The following KCNS2 variants were observed in gnomAD, a reference collection of about 807,000 sequenced individuals.
KCNS2 encodes potassium voltage-gated channel modifier subfamily S member 2.
A neutral mutation model predicts 28.3 loss-of-function variants in KCNS2; 15 were observed. The observed-to-expected ratio is 0.53, with a 90% CI of 0.35 to 0.82. The LOEUF (loss-of-function observed/expected upper bound fraction) is 0.82, where lower values mean the gene tolerates loss of function less well. Ranked by LOEUF, KCNS2 falls within the 40% of genes least tolerant of loss-of-function variation. KCNS2 has a pLI of 0.01. For synonymous variants in KCNS2, 254 were observed against 256.7 expected (o/e 0.99, Z 0.10); for missense variants, 501 against 617.1 (o/e 0.81, Z 1.99).
At chr8:98,427,869 A>C in intron 1 of KCNS2, 69 bp from the exon 2 acceptor site, 4 of 846,232 alleles carry the variant, frequency 4.7e-6, no homozygotes, top group Non-Finnish European at 5.4e-6. Context: ...CCCGCCAGTA[A>C]TGGGTAGGGA....
chr8:98,429,180 G>T lies in KCNS2; in HGVS notation c.1201G>T (p.Val401Leu). 1 of 1,613,816 alleles carries T rather than the reference G, an allele frequency of 6.2e-7. No homozygotes were observed. The highest frequency in any genetic ancestry group is 8.5e-7 in the Non-Finnish European group (1 of 1,179,838). Residue 401 changes from valine to leucine, a missense_variant, in exon 2 of 2, where the codon GTG becomes TTG. Coordinates refer to ENST00000287042, the MANE Select transcript of KCNS2 (RefSeq NM_020697.4). ...TGCCTGCATCTTGGCAGGCATCCTC[G>T]TGGTGGTCCTGCCCATCACCTTGAT... Reference protein sequence around the residue: ...ASACILAGILVVVLPITLIFN... With the variant: ...ASACILAGILLVVLPITLIFN...
Position 98,432,411 on chromosome 8 carries a change from T to C in KCNS2, c.*2998T>C, listed in dbSNP as rs1818348701. ...TGATGTGCATTTTGGAAGTGCTGGG[T>C]TGGGAAGTGACACGTCTGTTGCACA... On this transcript the variant is annotated 3_prime_UTR_variant, in exon 2 of 2. Coordinates refer to ENST00000287042, the MANE Select transcript of KCNS2 (RefSeq NM_020697.4). 1 of 167,068 alleles carries C rather than the reference T, an allele frequency of 6.0e-6. No individual in the cohort carries two copies. The highest frequency in any genetic ancestry group is 1.5e-5 in the Non-Finnish European group (1 of 68,124). The allele number at this position is 167,068 out of a possible 1,614,324, so 10.3% of individuals were successfully genotyped here.
intron 1 of KCNS2, 63 bp from the exon 2 acceptor site, chr8:98,427,875 A>C: frequency 3.9e-5 from 34 of 860,978 alleles, no homozygotes; most frequent in Non-Finnish European, 5.5e-5. Flanking sequence ...AGTAATGGGT[A>C]GGGAGAGGGG....
rs746351827 is a variant in KCNS2 at position 98,429,128 on chromosome 8, G to A, written c.1149G>A (p.Gly383=). 6 of 1,613,232 alleles carry A rather than the reference G, an allele frequency of 3.7e-6. No homozygotes were observed. The highest frequency in any genetic ancestry group is 1.3e-5 in the African/African-American group (1 of 74,906). ...TTVGYGDVVP[G]TTAGKLTASA... is the part of the protein sequence containing the mutation. ...TGGGGTACGGGGATGTGGTCCCAGG[G>A]ACCACGGCAGGAAAGCTGACTGCCT... The change falls in exon 2 of 2, where the codon GGG becomes GGA. Residue 383 remains glycine (G), a synonymous_variant. Transcript: ENST00000287042.
Position 98,429,661 on chromosome 8 carries a change from A to T in KCNS2, c.*248A>T, listed in dbSNP as rs1327199261. On this transcript the variant is annotated 3_prime_UTR_variant, in exon 2 of 2. Transcript: ENST00000287042. ...ACTGGTCTTTGCATCGTGGGCATAA[A>T]ATGTTCACCTTTTTGCCAGATGAGT... is the stretch of plus-strand genomic sequence containing the variant. 1.2e-5 allele frequency: 6 copies of T among 490,698 alleles called. No individual in the cohort carries two copies. In the East Asian group the frequency reaches 1.9e-4, roughly 16 times the overall value. 30.4% of individuals were successfully genotyped at this position (490,698 alleles called of 1,614,324 possible). A position where few individuals can be genotyped will look rare whatever the true frequency, so the allele number is the denominator to read the frequency against.
In KCNS2 at chr8:98,432,676, C is replaced by T. The variant is rs889888791; in HGVS notation, c.*3263C>T. On this transcript the variant is annotated 3_prime_UTR_variant, in exon 2 of 2. Coordinates refer to ENST00000287042, the MANE Select transcript of KCNS2 (RefSeq NM_020697.4). ...TTATGCACTTTGGGATAGTGGTGAT[C>T]TGTACAGGCTGTGTGTTAGCTACTT... 1.8e-5 allele frequency: 3 copies of T among 167,098 alleles called. No individual in the cohort carries two copies. Among genetic ancestry groups the T allele is most frequent in the Non-Finnish European group, 4.4e-5 (3 of 68,122 alleles). 10.4% of individuals were successfully genotyped at this position (167,098 alleles called of 1,614,324 possible). A position where few individuals can be genotyped will look rare whatever the true frequency, so the allele number is the denominator to read the frequency against.
rs1336442517 is a variant in KCNS2 at position 98,430,817 on chromosome 8, C to A, written c.*1404C>A. The A allele has an allele frequency of 6.0e-6, 1 of 167,038 alleles. No individual in the cohort carries two copies. The highest frequency in any genetic ancestry group is 2.1e-4 in the South Asian group (1 of 4,812). The allele number at this position is 167,038 out of a possible 1,614,324, so 10.3% of individuals were successfully genotyped here. A position where few individuals can be genotyped will look rare whatever the true frequency, so the allele number is the denominator to read the frequency against. On this transcript the variant is annotated 3_prime_UTR_variant, in exon 2 of 2. Transcript: ENST00000287042. The stretch of plus-strand genomic sequence containing the variant: ...ATAAAATGTCATAAAAAATTGTAAA[C>A]TTGAAAAGCTTAATGCTATTCAAAA...
Position 98,429,067 on chromosome 8 carries a change from C to A in KCNS2, c.1088C>A (p.Ala363Asp), listed in dbSNP as rs765435145. The A allele has an allele frequency of 2.5e-6, 4 of 1,613,070 alleles. No individual in the cohort carries two copies. Among genetic ancestry groups the A allele is most frequent in the East Asian group, 4.5e-5 (2 of 44,832 alleles). Residue 363 changes from alanine to aspartate, a missense_variant, in exon 2 of 2, where the codon GCC (alanine) becomes GAC (aspartate). Physicochemically the swap from Ala to Asp is moderately radical, Grantham distance 126. Coordinates refer to ENST00000287042, the MANE Select transcript of KCNS2 (RefSeq NM_020697.4). ...AACGAGGGCCTGGCCACCATCCCTGCCTGCTGGTGGTGGGCTACCGTCAGT... is the reference window on the plus strand; with the variant it reads ...AACGAGGGCCTGGCCACCATCCCTGACTGCTGGTGGTGGGCTACCGTCAGT... ...EENEGLATIP[A>D]CWWWATVSMT...
In KCNS2 at chr8:98,429,839, T is replaced by C. The variant is rs980708437; in HGVS notation, c.*426T>C. 5.7e-6 allele frequency: 1 copy of C among 176,010 alleles called. No individual in the cohort carries two copies. Among genetic ancestry groups the C allele is most frequent in the African/African-American group, 2.4e-5 (1 of 41,720 alleles). 10.9% of individuals were successfully genotyped at this position (176,010 alleles called of 1,614,324 possible). A position where few individuals can be genotyped will look rare whatever the true frequency, so the allele number is the denominator to read the frequency against. ...ACAAGTCGTCCAGTAGAAATGCATCTATGAGGTCAGCAAGGATATGATGAG... is the reference window on the plus strand; with the variant it reads ...ACAAGTCGTCCAGTAGAAATGCATCCATGAGGTCAGCAAGGATATGATGAG... On this transcript the variant is annotated 3_prime_UTR_variant, in exon 2 of 2. Transcript: ENST00000287042.
chr8:98,431,731 G>A lies in KCNS2; in HGVS notation c.*2318G>A, dbSNP rs1302316555. 1 of 167,128 alleles carries A rather than the reference G, an allele frequency of 6.0e-6. No individual in the cohort carries two copies. The highest frequency in any genetic ancestry group is 2.4e-5 in the African/African-American group (1 of 41,458). 10.4% of individuals were successfully genotyped at this position (167,128 alleles called of 1,614,324 possible). On this transcript the variant is annotated 3_prime_UTR_variant, in exon 2 of 2. Transcript: ENST00000287042. ...GGTACCCTAGTGGTTACCCTTTGCA[G>A]ATGTGAAAGCTGGAAAACTTGACTT... is the stretch of plus-strand genomic sequence containing the variant.
rs751173508 is a variant in KCNS2 at position 98,432,106 on chromosome 8, TC to T, written c.*2694del. The T allele has an allele frequency of 1.8e-5, 3 of 166,858 alleles. No homozygotes were observed. The highest frequency in any genetic ancestry group is 4.8e-5 in the African/African-American group (2 of 41,410). The allele number at this position is 166,858 out of a possible 1,614,324, so 10.3% of individuals were successfully genotyped here. Reference sequence around the variant, plus strand: ...AAGTTTACAGGTGCTCTCCACTGGGTCTTTGATCGACCTTGCTAGATAACAT... The same window carrying T: ...AAGTTTACAGGTGCTCTCCACTGGGTTTTGATCGACCTTGCTAGATAACAT... On this transcript the variant is annotated 3_prime_UTR_variant, in exon 2 of 2. Transcript: ENST00000287042.
rs1051282144 is a variant in KCNS2 at position 98,431,439 on chromosome 8, A to G, written c.*2026A>G. 3.0e-5 allele frequency: 5 copies of G among 167,136 alleles called. No individual in the cohort carries two copies. Among genetic ancestry groups the G allele is most frequent in the African/African-American group, 7.2e-5 (3 of 41,456 alleles). 10.4% of individuals were successfully genotyped at this position (167,136 alleles called of 1,614,324 possible). On this transcript the variant is annotated 3_prime_UTR_variant, in exon 2 of 2. Coordinates refer to ENST00000287042, the MANE Select transcript of KCNS2 (RefSeq NM_020697.4). ...CAGAGTTATTTTTCAGAATTTGCAC[A>G]TGGAACACTTAGATTTGGCTGGTGC...
Position 98,428,991 on chromosome 8 carries a change from G to A in KCNS2, c.1012G>A (p.Val338Met), listed in dbSNP as rs1563600145. 2 of 1,614,146 alleles carry A rather than the reference G, an allele frequency of 1.2e-6. No individual in the cohort carries two copies. Among genetic ancestry groups the A allele is most frequent in the East Asian group, 2.2e-5 (1 of 44,854 alleles). ...EVGLLLLYLS[V>M]GISIFSVVAY... The stretch of plus-strand genomic sequence containing the variant: ...AGGGCTGCTCTTGCTCTACCTCTCC[G>A]TGGGGATTTCCATCTTCTCCGTGGT... Residue 338 changes from valine to methionine, a missense_variant, in exon 2 of 2, where the codon GTG (valine) becomes ATG (methionine). By Grantham distance (21) the Val-to-Met change is conservative. Transcript: ENST00000287042. This position sits in a 1 kb window ranked among gnomAD's most constrained non-coding sequence, Gnocchi z 6.7.
intron 1 of KCNS2, 147 bp from the exon 2 acceptor site, chr8:98,427,791 G>T: frequency 3.5e-6 from 2 of 579,576 alleles, no homozygotes; most frequent in South Asian, 2.2e-5. Context: ...CCTGGGAGGG[G>T]ATCAGACCCC....
Position 98,428,506 on chromosome 8 carries a change from C to A in KCNS2, c.527C>A (p.Ala176Glu), listed in dbSNP as rs750851877. 1 of 1,613,370 alleles carries A rather than the reference C, an allele frequency of 6.2e-7. No individual in the cohort carries two copies. The highest frequency in any genetic ancestry group is 8.5e-7 in the Non-Finnish European group (1 of 1,179,964). ...LGNFRRQLWL[A>E]LDNPGYSVLS... is the part of the protein sequence containing the mutation. ...AACTTCCGCAGGCAGCTGTGGCTGGCGCTGGACAACCCCGGCTACTCAGTG... is the reference window on the plus strand; with the variant it reads ...AACTTCCGCAGGCAGCTGTGGCTGGAGCTGGACAACCCCGGCTACTCAGTG... The change falls in exon 2 of 2, where the codon GCG (alanine) becomes GAG (glutamate). Residue 176 changes from alanine (A) to glutamate (E), a missense_variant. Ala to Glu is a moderately radical substitution (Grantham distance 107). Coordinates refer to ENST00000287042, the MANE Select transcript of KCNS2 (RefSeq NM_020697.4). The surrounding 1 kb of genome is among the most constrained non-coding windows in gnomAD (Gnocchi z 6.7).
rs1348593711 is a variant in KCNS2 at position 98,432,181 on chromosome 8, G to T, written c.*2768G>T. On this transcript the variant is annotated 3_prime_UTR_variant, in exon 2 of 2. Coordinates refer to ENST00000287042, the MANE Select transcript of KCNS2 (RefSeq NM_020697.4). The stretch of plus-strand genomic sequence containing the variant: ...CCTGAAGCTAACCAGGGAGAGTCAG[G>T]TTAATTTTCTGTAAAAATATGAGGT... The T allele has an allele frequency of 6.0e-6, 1 of 166,944 alleles. No individual in the cohort carries two copies. The highest frequency in any genetic ancestry group is 2.4e-5 in the African/African-American group (1 of 41,440). 10.3% of individuals were successfully genotyped at this position (166,944 alleles called of 1,614,324 possible). A position where few individuals can be genotyped will look rare whatever the true frequency, so the allele number is the denominator to read the frequency against.
In KCNS2 at chr8:98,431,925, T is replaced by C. The variant is rs1341323370; in HGVS notation, c.*2512T>C. 1 of 167,086 alleles carries C rather than the reference T, an allele frequency of 6.0e-6. No individual in the cohort carries two copies. The highest frequency in any genetic ancestry group is 1.5e-5 in the Non-Finnish European group (1 of 68,112). The allele number at this position is 167,086 out of a possible 1,614,324, so 10.4% of individuals were successfully genotyped here. A position where few individuals can be genotyped will look rare whatever the true frequency, so the allele number is the denominator to read the frequency against. ...ACTTCTGAGCATGAGAATGTCCCAATAGCATTGAGTTTTTCAAGTGGTGGT... is the reference window on the plus strand; with the variant it reads ...ACTTCTGAGCATGAGAATGTCCCAACAGCATTGAGTTTTTCAAGTGGTGGT... On this transcript the variant is annotated 3_prime_UTR_variant, in exon 2 of 2. Coordinates refer to ENST00000287042, the MANE Select transcript of KCNS2 (RefSeq NM_020697.4).
rs1308796861 is a variant in KCNS2 at position 98,429,905 on chromosome 8, T to C, written c.*492T>C. 1.2e-5 allele frequency: 2 copies of C among 168,190 alleles called. No homozygotes were observed. The highest frequency in any genetic ancestry group is 2.9e-5 in the Non-Finnish European group (2 of 68,920). The allele number at this position is 168,190 out of a possible 1,614,324, so 10.4% of individuals were successfully genotyped here. On this transcript the variant is annotated 3_prime_UTR_variant, in exon 2 of 2. Transcript: ENST00000287042. ...ATGTGAAAACAAAATCTCAGCTCTT[T>C]ATCCATTGCTTTCACTTAGTTTTAG...
At position 98,429,259 on chromosome 8, in the gene KCNS2, T is replaced by C. The variant is rs1818294332; in HGVS notation, c.1280T>C (p.Met427Thr). 6.2e-7 allele frequency: 1 copy of C among 1,613,974 alleles called. No individual in the cohort carries two copies. The highest frequency in any genetic ancestry group is 8.5e-7 in the Non-Finnish European group (1 of 1,180,054). The change falls in exon 2 of 2, where the codon ATG becomes ACG. Residue 427 changes from methionine to threonine, a missense_variant. Transcript: ENST00000287042. ...YRRQKQLESA[M>T]RSCDFGDGMK... The stretch of plus-strand genomic sequence containing the variant: ...CGCCAAAAGCAACTTGAGAGTGCCA[T>C]GCGCAGCTGTGACTTTGGAGATGGA...
Sources: gnomAD v4.1 joint callset for allele counts on GRCh38, gnomAD v4.1.1 for gene constraint, Gnocchi (gnomAD v3.1) non-coding constraint, MANE v1.5 for transcripts, NCBI Gene and HGNC (gene_info 2026-07-23, HGNC 2026-07-21) for gene names.